The following OPHN1 variants were observed in gnomAD, a reference collection of about 807,000 sequenced individuals.
OPHN1 encodes oligophrenin-1.
In OPHN1, 11 loss-of-function variants were observed where a neutral mutation model predicts 60.7. That is an observed-to-expected ratio of 0.18 (90% confidence interval 0.11 to 0.30). OPHN1 has a LOEUF of 0.30. OPHN1 is among the 10% of genes least tolerant of loss of function. OPHN1 has a pLI of 1.00. For missense variants in OPHN1, 449 were observed against 611.0 expected (o/e 0.73, Z 2.80); for synonymous variants, 226 against 222.6 (o/e 1.02, Z -0.14).
At chrX:68,282,162 A>G (rs778806692) in intron 4 of OPHN1, among the ~76,000 whole-genome samples, 1 of 112,541 alleles carries the variant, frequency 8.9e-6, no homozygotes, top group South Asian at 3.7e-4. Context: ...ATAATTGCCA[A>G]AATAACCAAG....
intron 2 of OPHN1, among the ~76,000 whole-genome samples, chrX:68,323,086 G>A (rs781042543): frequency 4.5e-5 from 5 of 111,399 alleles, no homozygotes; most frequent in African/African-American, 6.5e-5. Context: ...TGATGAAATC[G>A]TTATGTATAT....
intron 18 of OPHN1, among the ~76,000 whole-genome samples, chrX:68,110,638 G>T (rs1409323118): frequency 8.9e-6 from 1 of 112,081 alleles, no homozygotes; most frequent in Non-Finnish European, 1.9e-5. Flanking sequence ...AAATTAACAT[G>T]CAAATAGCTT....
chrX:68,207,355 T>G (rs2077564261), intron 9 of OPHN1, among the ~76,000 whole-genome samples: 1 of 110,216 alleles, frequency 9.1e-6, no homozygotes, highest in African/African-American at 3.3e-5. Flanking sequence ...ATGGTCTTGA[T>G]CTCCTGACCT....
intron 3 of OPHN1, among the ~76,000 whole-genome samples, chrX:68,292,863 C>G (rs1367047862): frequency 1.8e-5 from 2 of 112,116 alleles, no homozygotes; most frequent in East Asian, 5.6e-4. Flanking sequence ...CTTATCACCA[C>G]AGCAGAAGGT....
At chrX:68,305,349 CA>C (rs1314106370) in intron 2 of OPHN1, among the ~76,000 whole-genome samples, 7 of 112,354 alleles carry the variant, frequency 6.2e-5, no homozygotes, top group Non-Finnish European at 7.5e-5. Context: ...GCCTGAGTAA[CA>C]GAGAGAGACC....
chrX:68,252,143 G>A (rs143588282), intron 5 of OPHN1, among the ~76,000 whole-genome samples: 174 of 111,228 alleles, frequency 1.6e-3, no homozygotes, highest in Non-Finnish European at 2.7e-3. Flanking sequence ...GAAAAATTGA[G>A]ACACATACAG....
intron 10 of OPHN1, among the ~76,000 whole-genome samples, chrX:68,202,592 C>G (rs1235850157): frequency 4.5e-5 from 5 of 110,247 alleles, no homozygotes; most frequent in Non-Finnish European, 9.5e-5. Context: ...CTCCGCCTCC[C>G]GGGTTCAAGC....
rs191989746 is a variant in OPHN1, at chrX:68,335,446, A to T, written c.155-36350T>A. 6.0e-3 allele frequency among the ~76,000 whole-genome samples: 672 copies of T among 112,093 alleles called. 7 individuals are homozygous for T. Among genetic ancestry groups the T allele is most frequent in the African/African-American group, 0.021 (636 of 30,839 alleles). On this transcript the variant is annotated intron_variant, in intron 2 of 24. Transcript: ENST00000355520. ...GTGCCTGAGAATTTGCAATGTTAAC[A>T]TTTTACCAGGAGATGCTGATGCTGT...
chrX:68,157,616 G>T (rs1046108335), intron 15 of OPHN1, among the ~76,000 whole-genome samples: 3 of 111,554 alleles, frequency 2.7e-5, no homozygotes, highest in African/African-American at 9.8e-5. Context: ...TGAAAAACTA[G>T]CTACAGATAC....
intron 5 of OPHN1, among the ~76,000 whole-genome samples, chrX:68,256,488 A>G (rs2077864250): frequency 9.0e-6 from 1 of 111,481 alleles, no homozygotes; most frequent in Admixed American, 9.6e-5. Flanking sequence ...CTTAACTCCT[A>G]TATCATTACC....
At chrX:68,210,130 G>C in intron 9 of OPHN1, 23 bp downstream of exon 9, 1 of 1,208,545 alleles carries the variant, frequency 8.3e-7, no homozygotes, top group Non-Finnish European at 1.1e-6. Context: ...AAACCCAATG[G>C]ATACCCCTAT....
intron 2 of OPHN1, among the ~76,000 whole-genome samples, chrX:68,377,120 G>A (rs369101166): frequency 2.1e-5 from 2 of 97,454 alleles, no homozygotes; most frequent in South Asian, 1.0e-3. Context: ...TTTTTGAGAT[G>A]GAGTCTTACT....
rs148090093 is a variant in OPHN1 at position 68,306,424 on chromosome X, T to A, written c.155-7328A>T. 7.4e-3 allele frequency among the ~76,000 whole-genome samples: 833 copies of A among 111,846 alleles called. 9 individuals are homozygous for A. The highest frequency in any genetic ancestry group is 0.026 in the African/African-American group (794 of 30,741). ...GAAAAAGATTCTAGGCATTAGATTA[T>A]AACAAACTTTATCGAAAGATTGGGG... On this transcript the variant is annotated intron_variant, in intron 2 of 24. Coordinates refer to ENST00000355520, the MANE Select transcript of OPHN1 (RefSeq NM_002547.3).
chrX:68,269,659 A>G (rs2077955435), intron 5 of OPHN1, among the ~76,000 whole-genome samples: 1 of 111,916 alleles, frequency 8.9e-6, no homozygotes, highest in Admixed American at 9.5e-5. Flanking sequence ...AGGCAATACC[A>G]TTCAGGACAT....
At chrX:68,359,525 T>C (rs1469789168) in intron 2 of OPHN1, among the ~76,000 whole-genome samples, 1 of 110,729 alleles carries the variant, frequency 9.0e-6, no homozygotes, top group African/African-American at 3.3e-5. Context: ...TCCCATCCCA[T>C]CCACATTTAG....
intron 5 of OPHN1, among the ~76,000 whole-genome samples, chrX:68,274,263 T>C (rs1317210271): frequency 8.9e-6 from 1 of 112,013 alleles, no homozygotes; most frequent in Non-Finnish European, 1.9e-5. Context: ...ATTTGTGAAA[T>C]GGGGAAAATG....
At position 68,080,623 on chromosome X, in the gene OPHN1, C is replaced by T. The variant is rs985351285; in HGVS notation, c.1687-7324G>A. Among the ~76,000 whole-genome samples the T allele has an allele frequency of 5.4e-4, 61 of 111,978 alleles. 1 individual carries two copies. Among genetic ancestry groups the T allele is most frequent in the African/African-American group, 1.9e-3 (58 of 30,763 alleles). ...AGAAGCTGTCTGTATTACATTCTGT[C>T]TTTTTTTCCCTTTCTCTCTGGCTAG... On this transcript the variant is annotated intron_variant, in intron 19 of 24. Coordinates refer to ENST00000355520, the MANE Select transcript of OPHN1 (RefSeq NM_002547.3).
intron 21 of OPHN1, among the ~76,000 whole-genome samples, chrX:68,062,949 A>G (rs190981826): frequency 8.9e-6 from 1 of 112,019 alleles, no homozygotes; most frequent in African/African-American, 3.2e-5. Flanking sequence ...AAAAATCCAG[A>G]GTTTGGCAGA....
In OPHN1 at chrX:68,063,983, G is replaced by T. The variant is rs143713841; in HGVS notation, c.2029C>A (p.Leu677Met). 1,927 of 1,207,637 alleles carry T rather than the reference G, an allele frequency of 1.6e-3. 3 individuals carry two copies. Among genetic ancestry groups the T allele is most frequent in the Non-Finnish European group, 1.9e-3 (1,730 of 894,460 alleles). Residue 677 changes from leucine (L) to methionine (M), a missense_variant, in exon 21 of 25, where the codon CTG (leucine) becomes ATG (methionine). Physicochemically the swap from Leu to Met is conservative, Grantham distance 15. Transcript: ENST00000355520. The stretch of plus-strand genomic sequence containing the variant: ...GTGATCTTGGTCCCTCCATCCTGCA[G>T]CCTAGACACCAACTTCCCCACGTCC... ...EVDVGKLVSR[L>M]QDGGTKITPK...
Sources: gnomAD v4.1 joint callset for allele counts (sites outside exome capture counted in the v4.1 genomes callset) on GRCh38, gnomAD v4.1.1 for gene constraint, MANE v1.5 for transcripts, NCBI Gene and HGNC (gene_info 2026-07-23, HGNC 2026-07-21) for gene names.